The following SEMA4B variants were observed in gnomAD, a reference collection of about 807,000 sequenced individuals.
The protein encoded by SEMA4B is semaphorin-4B.
SEMA4B carries 55 observed loss-of-function variants against 88.1 expected under a neutral mutation model. The ratio of observed to expected loss-of-function variants is 0.62; its 90% CI spans 0.50 to 0.78. The LOEUF is 0.78. Among genes scored for constraint, SEMA4B ranks in the 30% least tolerant of loss-of-function variants. The pLI is 0.00. For synonymous variants in SEMA4B, 525 were observed against 473.6 expected (o/e 1.11, Z -1.41); for missense variants, 1,062 against 1,111.9 (o/e 0.96, Z 0.64).
At chr15:90,201,250 C>T (rs969660369), upstream of SEMA4B, 29 of 996,638 alleles carry the variant, frequency 2.9e-5, no homozygotes, top group South Asian at 4.8e-5. Flanking sequence ...GCGCTGCCAG[C>T]GCCCGGGAAG....
rs768758127 is a variant in SEMA4B at position 90,227,934 on chromosome 15, A to C, written c.1805A>C (p.Gln602Pro). ...GEKPCEQVQF[Q>P]PNTVNTLACP... ...AAGCCATGTGAGCAAGTCCAGTTCC[A>C]GCCCAACACAGTGAACACTTTGGCC... The change falls in exon 14 of 14, where the codon CAG (glutamine) becomes CCG (proline). Residue 602 changes from glutamine (Q) to proline (P), a missense_variant. Gln to Pro is a moderately conservative substitution (Grantham distance 76, BLOSUM62 -1). Coordinates refer to ENST00000411539, the MANE Select transcript of SEMA4B (RefSeq NM_198925.4). 15 of 1,613,140 alleles carry C rather than the reference A, an allele frequency of 9.3e-6. No homozygotes were observed. The highest frequency in any genetic ancestry group is 1.6e-4 in the Middle Eastern group (1 of 6,084).
intron 1 of SEMA4B, among the ~76,000 whole-genome samples, chr15:90,185,557 C>G (rs911822097): frequency 2.0e-5 from 3 of 152,150 alleles, no homozygotes; most frequent in Non-Finnish European, 4.4e-5. Context: ...GCTGCAGTTG[C>G]GGCTACTCGG....
At chr15:90,205,733 C>T (rs1321021782) in intron 1 of SEMA4B, among the ~76,000 whole-genome samples, 1 of 152,254 alleles carries the variant, frequency 6.6e-6, no homozygotes, top group Non-Finnish European at 1.5e-5. Context: ...TTTGTGCACA[C>T]TGGTGGTATG....
At chr15:90,193,975 C>T (rs555186633) in intron 1 of SEMA4B, among the ~76,000 whole-genome samples, 3 of 151,982 alleles carry the variant, frequency 2.0e-5, no homozygotes, top group East Asian at 2.0e-4. Flanking sequence ...CCTCAGCCTC[C>T]TGAGTAGCTG....
chr15:90,195,076 A>G (rs950756030), intron 1 of SEMA4B, among the ~76,000 whole-genome samples: 3 of 151,710 alleles, frequency 2.0e-5, no homozygotes, highest in African/African-American at 4.8e-5. Flanking sequence ...TCAATCTTCA[A>G]TCAAGGTTCA....
At chr15:90,201,904 G>A (rs1470914190) in intron 1 of SEMA4B, among the ~76,000 whole-genome samples, 169 bp downstream of exon 1, 2 of 152,264 alleles carry the variant, frequency 1.3e-5, no homozygotes, top group African/African-American at 4.8e-5. Flanking sequence ...AGGGAGAGGA[G>A]AGGGGAGCTG....
In SEMA4B at chr15:90,214,068, G is replaced by A. The variant is rs533430262; in HGVS notation, c.158-3371G>A. On this transcript the variant is annotated intron_variant, in intron 1 of 13. Transcript: ENST00000411539. ...GTGTAAAGCTGAGCTTCGGCTGGGCGCGGTGGCTCAGGCCTATAATCCCAG... is the reference window on the plus strand; with the variant it reads ...GTGTAAAGCTGAGCTTCGGCTGGGCACGGTGGCTCAGGCCTATAATCCCAG... Among the ~76,000 whole-genome samples, 6 of 152,160 alleles carry A rather than the reference G, an allele frequency of 3.9e-5. No homozygotes were observed. The East Asian group carries it at 7.7e-4, about 20-fold the overall frequency.
chr15:90,222,970 A>T lies in SEMA4B; in HGVS notation c.862-589A>T, dbSNP rs1328970946. Among the ~76,000 whole-genome samples the T allele has an allele frequency of 3.8e-5, 5 of 132,064 alleles. 1 individual carries two copies. The highest frequency in any genetic ancestry group is 6.2e-5 in the Non-Finnish European group (4 of 64,096). 86.6% of individuals were successfully genotyped at this position (132,064 alleles called of 152,430 possible). Reference sequence around the variant, plus strand: ...TAACTCTGTGTATATATATATATACATTTTTTTTTTTCCTTTTTGAGACAG... The same window carrying T: ...TAACTCTGTGTATATATATATATACTTTTTTTTTTTTCCTTTTTGAGACAG... On this transcript the variant is annotated intron_variant, in intron 7 of 13. Coordinates refer to ENST00000411539, the MANE Select transcript of SEMA4B (RefSeq NM_198925.4).
Position 90,212,639 on chromosome 15 carries a change from C to T in SEMA4B, c.158-4800C>T, listed in dbSNP as rs575117567. ...CAAGCGTGGACAAGCCCTGCGGTACCGTGTACACACACACACACACACACA... is the reference window on the plus strand; with the variant it reads ...CAAGCGTGGACAAGCCCTGCGGTACTGTGTACACACACACACACACACACA... On this transcript the variant is annotated intron_variant, in intron 1 of 13. Transcript: ENST00000411539. The surrounding 1 kb of genome is among the most constrained non-coding windows in gnomAD (Gnocchi z 4.0). Among the ~76,000 whole-genome samples, 6 of 109,636 alleles carry T rather than the reference C, an allele frequency of 5.5e-5. No individual in the cohort carries two copies. The highest frequency in any genetic ancestry group is 4.3e-3 in the Middle Eastern group (1 of 230). The allele number at this position is 109,636 out of a possible 152,430, so 71.9% of individuals were successfully genotyped here. A position where few individuals can be genotyped will look rare whatever the true frequency, so the allele number is the denominator to read the frequency against.
chr15:90,214,960 C>T, intron 1 of SEMA4B: 3 of 1,278,498 alleles, frequency 2.3e-6, no homozygotes, highest in Non-Finnish European at 3.1e-6. Context: ...AAAAACACTC[C>T]ACAGGTAAAC....
At chr15:90,224,292 A>T (rs1334453485) in intron 9 of SEMA4B, among the ~76,000 whole-genome samples, 1 of 152,214 alleles carries the variant, frequency 6.6e-6, no homozygotes. Flanking sequence ...CAAGCTCCTT[A>T]TTTAATTATC....
At chr15:90,227,069 G>A (rs894469418) in intron 12 of SEMA4B, among the ~76,000 whole-genome samples, 1 of 151,796 alleles carries the variant, frequency 6.6e-6, no homozygotes, top group African/African-American at 2.4e-5. Context: ...TTTGAGACAG[G>A]GTCTCTCTGT....
At chr15:90,198,840 G>C (rs1272698879), upstream of SEMA4B, among the ~76,000 whole-genome samples, 3 of 152,172 alleles carry the variant, frequency 2.0e-5, no homozygotes, top group African/African-American at 7.2e-5. Context: ...AGGGTTTTGA[G>C]CAGAGGAAAG....
At chr15:90,213,142 AT>A (rs983905644) in intron 1 of SEMA4B, among the ~76,000 whole-genome samples, 21 of 152,250 alleles carry the variant, frequency 1.4e-4, no homozygotes, top group African/African-American at 3.4e-4. Context: ...ACGTAATCTC[AT>A]TTTTTCTAAT....
At chr15:90,210,939 A>G (rs1961237676) in intron 1 of SEMA4B, among the ~76,000 whole-genome samples, 1 of 152,224 alleles carries the variant, frequency 6.6e-6, no homozygotes, top group Non-Finnish European at 1.5e-5. Context: ...AAAAGTTTCT[A>G]GAATGGACAT....
chr15:90,220,602 C>T (rs1259305923), intron 4 of SEMA4B, among the ~76,000 whole-genome samples: 3 of 151,808 alleles, frequency 2.0e-5, no homozygotes, highest in Admixed American at 6.6e-5. Flanking sequence ...ATCTCCTGAC[C>T]TCGTGATCCA....
intron 1 of SEMA4B, among the ~76,000 whole-genome samples, chr15:90,215,462 G>T (rs570443866): frequency 8.5e-4 from 129 of 152,174 alleles, no homozygotes; most frequent in African/African-American, 3.0e-3. Flanking sequence ...TCACTTCATG[G>T]TAGATAATTC....
upstream of SEMA4B, chr15:90,201,314 A>C: frequency 2.6e-6 from 3 of 1,148,748 alleles, no homozygotes. Context: ...TTCCTCCTTC[A>C]GCCCCGCCCT....
Position 90,217,828 on chromosome 15 carries a change from A to T in SEMA4B, c.383A>T (p.Gln128Leu). 2.5e-6 allele frequency: 4 copies of T among 1,611,482 alleles called. No homozygotes were observed. The highest frequency in any genetic ancestry group is 3.4e-6 in the Non-Finnish European group (4 of 1,178,700). Residue 128 changes from glutamine to leucine, a missense_variant and splice_region_variant, in exon 3 of 14, where the codon CAG becomes CTG. Physicochemically the swap from Gln to Leu is moderately radical, Grantham distance 113 (BLOSUM62 -2). Transcript: ENST00000411539. The part of the protein sequence containing the change: ...QQCSFKGKDP[Q>L]RDCQNYIKIL... ...TGCAGCTTCAAGGGCAAGGACCCAC[A>T]GGTGAGCCCACACCTGGAAGGGAGC...
Sources: allele counts gnomAD v4.1 joint callset (sites outside exome capture counted in the v4.1 genomes callset), GRCh38; gene constraint gnomAD v4.1.1; non-coding constraint Gnocchi (gnomAD v3.1); transcripts MANE v1.5; gene names NCBI Gene and HGNC (gene_info 2026-07-23, HGNC 2026-07-21).